The following LRP1B variants were observed in gnomAD, a reference collection of about 807,000 sequenced individuals.
LRP1B encodes low-density lipoprotein receptor-related protein 1B.
Under a neutral mutation model 556.6 loss-of-function variants are expected in LRP1B, and 217 were observed. That is an observed-to-expected ratio of 0.39 (90% CI 0.35 to 0.44). LRP1B has a LOEUF of 0.44. LRP1B is among the 20% of genes least tolerant of loss of function. The pLI, the probability that LRP1B is intolerant of heterozygous loss-of-function variation, is 1.00. For synonymous variants in LRP1B, 2,047 were observed against 1,865.8 expected (o/e 1.10, Z -2.50); for missense variants, 5,053 against 5,620.8 (o/e 0.90, Z 3.23).
intron 1 of LRP1B, among the ~76,000 whole-genome samples, chr2:141,814,340 G>A (rs1039235595): frequency 3.9e-5 from 6 of 152,126 alleles, no homozygotes; most frequent in African/African-American, 1.2e-4. Flanking sequence ...GTTCTACCGA[G>A]GACCTGCCCT....
chr2:140,813,571 G>A (rs980413790), intron 32 of LRP1B, 86 bp downstream of exon 32: 35 of 1,216,994 alleles, frequency 2.9e-5, no homozygotes, highest in African/African-American at 3.0e-5. Context: ...TAGTGGAGCA[G>A]TAACTTTCCT....
At chr2:141,452,368 C>CT (rs150012644) in intron 3 of LRP1B, among the ~76,000 whole-genome samples, 1 of 151,846 alleles carries the variant, frequency 6.6e-6, no homozygotes. Context: ...CCTGATGAGA[C>CT]TTTTTTTTGA....
intron 1 of LRP1B, among the ~76,000 whole-genome samples, chr2:141,897,749 A>G (rs1247868243): frequency 6.6e-6 from 1 of 152,196 alleles, no homozygotes; most frequent in Non-Finnish European, 1.5e-5. Flanking sequence ...CAGTTTTTTT[A>G]GCCAATATAA....
intron 2 of LRP1B, among the ~76,000 whole-genome samples, chr2:141,713,883 G>A (rs1041303348): frequency 8.6e-5 from 13 of 152,044 alleles, no homozygotes; most frequent in South Asian, 2.1e-4. Flanking sequence ...CACACACCGC[G>A]TCTTTTTCCC....
chr2:140,916,746 C>T (rs1694591457), intron 21 of LRP1B, among the ~76,000 whole-genome samples: 1 of 152,202 alleles, frequency 6.6e-6, no homozygotes, highest in South Asian at 2.1e-4. Flanking sequence ...CTCAGTCATT[C>T]TTCCTAGCCA....
At chr2:140,284,415 A>G (rs571170227) in intron 84 of LRP1B, among the ~76,000 whole-genome samples, 4 of 150,714 alleles carry the variant, frequency 2.7e-5, no homozygotes, top group African/African-American at 9.7e-5. Context: ...GGAGGTAATC[A>G]TGAAAAAGAT....
intron 32 of LRP1B, among the ~76,000 whole-genome samples, chr2:140,776,932 G>A (rs1689520908): frequency 6.6e-6 from 1 of 152,084 alleles, no homozygotes; most frequent in African/African-American, 2.4e-5. Context: ...AAACTGTAAG[G>A]AAATGATTAT....
intron 2 of LRP1B, among the ~76,000 whole-genome samples, chr2:141,572,498 TGACAC>T (rs1686565956): frequency 2.0e-5 from 3 of 151,956 alleles, no homozygotes; most frequent in Non-Finnish European, 4.4e-5. Context: ...AAAAGATCAA[TGACAC>T]TATGAAGAAA....
chr2:141,832,182 T>C (rs1046270135), intron 1 of LRP1B, among the ~76,000 whole-genome samples: 1 of 151,720 alleles, frequency 6.6e-6, no homozygotes, highest in Non-Finnish European at 1.5e-5. Context: ...TTAAAAAATC[T>C]TTCTTCTCTG....
chr2:141,674,713 C>A (rs1690808447), intron 2 of LRP1B, among the ~76,000 whole-genome samples: 1 of 151,918 alleles, frequency 6.6e-6, no homozygotes. Flanking sequence ...AAGTGAAGAA[C>A]TTCAAGGGTA....
At chr2:141,679,338 T>C (rs1406376326) in intron 2 of LRP1B, among the ~76,000 whole-genome samples, 1 of 152,190 alleles carries the variant, frequency 6.6e-6, no homozygotes, top group African/African-American at 2.4e-5. Context: ...GTAAGATAAA[T>C]GTTTCGTTTT....
chr2:140,536,819 C>T (rs1268500968), intron 45 of LRP1B, 110 bp from the exon 46 acceptor site: 1 of 761,966 alleles, frequency 1.3e-6, no homozygotes, highest in Non-Finnish European at 2.1e-6. Flanking sequence ...TAAAATTTAT[C>T]AAAATGTACA....
intron 3 of LRP1B, among the ~76,000 whole-genome samples, chr2:141,408,293 C>T (rs2104937969): frequency 2.0e-5 from 3 of 152,118 alleles, no homozygotes; most frequent in African/African-American, 7.2e-5. Context: ...CAGGTACCCG[C>T]CACCACGCGC....
At chr2:140,628,903 AGCCATATAG>A (rs1482656767) in intron 41 of LRP1B, among the ~76,000 whole-genome samples, 1 of 152,116 alleles carries the variant, frequency 6.6e-6, no homozygotes, top group Non-Finnish European at 1.5e-5. Context: ...CTCCTGCTCC[AGCCATATAG>A]GCCATGCCTT....
chr2:141,285,448 T>G (rs1685673477), intron 3 of LRP1B, among the ~76,000 whole-genome samples: 2 of 142,872 alleles, frequency 1.4e-5, no homozygotes, highest in Non-Finnish European at 3.0e-5. Flanking sequence ...GAGAATAATT[T>G]TTTTTTCTTT....
chr2:141,036,216 C>A (rs376396018), intron 11 of LRP1B, among the ~76,000 whole-genome samples: 1 of 151,760 alleles, frequency 6.6e-6, no homozygotes, highest in African/African-American at 2.4e-5. Context: ...GAAGAAGAGG[C>A]GACTACCATA....
At chr2:140,657,539 T>G (rs1002762731) in intron 41 of LRP1B, among the ~76,000 whole-genome samples, 2 of 141,016 alleles carry the variant, frequency 1.4e-5, no homozygotes, top group South Asian at 4.3e-4. Context: ...GATGGATGGA[T>G]AGATAGATAT....
chr2:140,890,101 TAA>T (rs5834787), intron 23 of LRP1B, among the ~76,000 whole-genome samples: 69,095 of 149,766 alleles, frequency 0.46, 17,295 homozygotes, highest in South Asian at 0.6. Flanking sequence ...ATTTATTAGT[TAA>T]AAAAAAAAAA....
intron 2 of LRP1B, among the ~76,000 whole-genome samples, chr2:141,762,771 T>C (rs1422392225): frequency 6.6e-6 from 1 of 152,168 alleles, no homozygotes; most frequent in Non-Finnish European, 1.5e-5. Context: ...TAAGTTCTCT[T>C]CTCTAGAAAT....
Sources: allele counts gnomAD v4.1 joint callset (sites outside exome capture counted in the v4.1 genomes callset), GRCh38; gene constraint gnomAD v4.1.1; transcripts MANE v1.5; gene names NCBI Gene and HGNC (gene_info 2026-07-23, HGNC 2026-07-21).